HSF2BP: variants seen among roughly 807,000 people sequenced by gnomAD.
The protein encoded by HSF2BP is heat shock transcription factor 2 binding protein.
In HSF2BP, 35 loss-of-function variants were observed where a neutral mutation model predicts 35.0. The observed-to-expected ratio is 1.00, with a 90% CI of 0.76 to 1.32. The LOEUF (loss-of-function observed/expected upper bound fraction) is 1.32. Among genes scored for constraint, HSF2BP ranks in the 40% most tolerant of loss-of-function variants. The pLI is 0.00. For synonymous variants in HSF2BP, 114 were observed against 117.4 expected (o/e 0.97, Z 0.18); for missense variants, 326 against 321.7 (o/e 1.01, Z -0.10).
intron 3 of HSF2BP, among the ~76,000 whole-genome samples, chr21:43,655,301 A>T (rs2082851256): frequency 6.6e-6 from 1 of 152,230 alleles, no homozygotes; most frequent in African/African-American, 2.4e-5. Flanking sequence ...AGAAATTAGA[A>T]GTCAATGACC....
At chr21:43,584,635 T>A (rs1461234967) in intron 8 of HSF2BP, among the ~76,000 whole-genome samples, 1 of 152,228 alleles carries the variant, frequency 6.6e-6, no homozygotes, top group African/African-American at 2.4e-5. Flanking sequence ...ACCACCTAGG[T>A]GGCTTGAATA....
chr21:43,658,242 C>T lies in HSF2BP; in HGVS notation c.-146G>A. Reference sequence around the variant, plus strand: ...CCTCCCAGAATTTGCGCAGTATTCTCGGCCTAGAGAGCGAGGAGTGGCCTT... The same window carrying T: ...CCTCCCAGAATTTGCGCAGTATTCTTGGCCTAGAGAGCGAGGAGTGGCCTT... On this transcript the variant is annotated 5_prime_UTR_variant, in exon 2 of 9. Coordinates refer to ENST00000291560, the MANE Select transcript of HSF2BP (RefSeq NM_007031.2). The T allele has an allele frequency of 2.1e-6, 2 of 961,376 alleles. No homozygotes were observed. The highest frequency in any genetic ancestry group is 3.5e-5 in the South Asian group (2 of 56,676). The allele number at this position is 961,376 out of a possible 1,614,324, so 59.6% of individuals were successfully genotyped here. A position where few individuals can be genotyped will look rare whatever the true frequency, so the allele number is the denominator to read the frequency against.
At chr21:43,653,774 CAGG>C (rs2082828818) in intron 3 of HSF2BP, among the ~76,000 whole-genome samples, 2 of 152,082 alleles carry the variant, frequency 1.3e-5, no homozygotes, top group Admixed American at 1.3e-4. Context: ...AGGAGACCGC[CAGG>C]AGGAGGCAGA....
chr21:43,608,816 T>C (rs192787179), intron 7 of HSF2BP, among the ~76,000 whole-genome samples: 36 of 152,014 alleles, frequency 2.4e-4, no homozygotes, highest in Non-Finnish European at 4.6e-4. Context: ...AAAAAAAATT[T>C]TTTTTAATTA....
chr21:43,581,366 G>T (rs1412932734), intron 8 of HSF2BP, among the ~76,000 whole-genome samples: 1 of 151,204 alleles, frequency 6.6e-6, no homozygotes, highest in African/African-American at 2.4e-5. Context: ...AGCCTGGGTG[G>T]CAGAGTGAGA....
chr21:43,606,397 G>A (rs1479540911), intron 7 of HSF2BP, among the ~76,000 whole-genome samples: 2 of 152,220 alleles, frequency 1.3e-5, no homozygotes, highest in African/African-American at 4.8e-5. Context: ...TGAGCTGGAG[G>A]GAGGGGAGGC....
chr21:43,633,851 G>A (rs1466633853), intron 4 of HSF2BP, among the ~76,000 whole-genome samples: 3 of 152,104 alleles, frequency 2.0e-5, no homozygotes, highest in Non-Finnish European at 2.9e-5. Context: ...TTGAAAAAAC[G>A]CCATCTGCCA....
At chr21:43,615,009 G>A (rs1017842403) in intron 6 of HSF2BP, among the ~76,000 whole-genome samples, 6 of 152,214 alleles carry the variant, frequency 3.9e-5, no homozygotes, top group African/African-American at 1.4e-4. Flanking sequence ...CTGAAGACCA[G>A]ACCGAGTAAT....
At position 43,575,531 on chromosome 21, in the gene HSF2BP, C is replaced by T. The variant is rs554655577; in HGVS notation, c.796+16694G>A. ...GATGATAAAAATAACTTACACTTGA[C>T]TAGCAATTCACCACTTACAAACTAC... is the stretch of plus-strand genomic sequence containing the variant. On this transcript the variant is annotated intron_variant, in intron 8 of 8. Transcript: ENST00000291560. Among the ~76,000 whole-genome samples, 5 of 152,376 alleles carry T rather than the reference C, an allele frequency of 3.3e-5. No homozygotes were observed. In the South Asian group the frequency reaches 1.0e-3, roughly 32 times the overall value.
chr21:43,604,579 T>G (rs1335707260), intron 7 of HSF2BP, among the ~76,000 whole-genome samples: 6 of 103,226 alleles, frequency 5.8e-5, no homozygotes, highest in Admixed American at 1.1e-4. Flanking sequence ...CACACCAATA[T>G]ACACACACCA....
At chr21:43,606,320 G>A (rs2082134816) in intron 7 of HSF2BP, among the ~76,000 whole-genome samples, 1 of 152,216 alleles carries the variant, frequency 6.6e-6, no homozygotes, top group Admixed American at 6.5e-5. Context: ...TAGGAACAGA[G>A]AAGAAGGATG....
chr21:43,624,989 A>G (rs1214586162), intron 6 of HSF2BP, among the ~76,000 whole-genome samples: 1 of 152,188 alleles, frequency 6.6e-6, no homozygotes, highest in Non-Finnish European at 1.5e-5. Flanking sequence ...ATGTCCAGAG[A>G]ACTGACATCC....
chr21:43,604,626 A>C (rs2082101322), intron 7 of HSF2BP, among the ~76,000 whole-genome samples: 2 of 135,022 alleles, frequency 1.5e-5, no homozygotes, highest in Non-Finnish European at 3.1e-5. Flanking sequence ...CATACACCAC[A>C]CAATCATACA....
chr21:43,593,806 A>C (rs1354603423), intron 7 of HSF2BP, among the ~76,000 whole-genome samples: 1 of 152,190 alleles, frequency 6.6e-6, no homozygotes, highest in Admixed American at 6.5e-5. Context: ...TAAAAGTACA[A>C]GGAGGCAAAG....
Position 43,644,267 on chromosome 21 carries a change from A to T in HSF2BP, c.291+22T>A, listed in dbSNP as rs574787778. 31 of 1,588,030 alleles carry T rather than the reference A, an allele frequency of 2.0e-5. No homozygotes were observed. In the Admixed American group the frequency reaches 3.5e-4, roughly 18 times the overall value. ...CAGCCCCACTTTCTGGCTTGGTGAG[A>T]GTCTGTCCCTGAGCATGGTACCTTC... On this transcript the variant is annotated intron_variant, in intron 4 of 8. Coordinates refer to ENST00000291560, the MANE Select transcript of HSF2BP (RefSeq NM_007031.2).
rs1484930523 is a variant in HSF2BP, at chr21:43,596,622, T to C, written c.693-4294A>G. Among the ~76,000 whole-genome samples the C allele has an allele frequency of 4.6e-5, 7 of 152,132 alleles. No homozygotes were observed. The South Asian group carries it at 1.2e-3, about 27-fold the overall frequency. On this transcript the variant is annotated intron_variant, in intron 7 of 8. Transcript: ENST00000291560. The stretch of plus-strand genomic sequence containing the variant: ...GGCTCATGCCTATAATCCCAGCACT[T>C]TGGGAGGCCAACATGGGAAGACTGC...
intron 5 of HSF2BP, among the ~76,000 whole-genome samples, chr21:43,631,241 T>A (rs1475348463): frequency 6.6e-6 from 1 of 152,194 alleles, no homozygotes; most frequent in Non-Finnish European, 1.5e-5. Context: ...TAGCAGTAAC[T>A]AATTTCTCAC....
intron 6 of HSF2BP, among the ~76,000 whole-genome samples, chr21:43,620,552 A>C (rs1342157427): frequency 1.3e-5 from 2 of 152,110 alleles, no homozygotes; most frequent in Non-Finnish European, 2.9e-5. Context: ...AAAATTAGCC[A>C]AGCACTGTGG....
At chr21:43,638,799 A>C (rs928181978) in intron 4 of HSF2BP, among the ~76,000 whole-genome samples, 5 of 152,252 alleles carry the variant, frequency 3.3e-5, no homozygotes, top group African/African-American at 1.2e-4. Context: ...AGACATAAAC[A>C]AGCTTACTCT....
Sources: allele counts gnomAD v4.1 joint callset (sites outside exome capture counted in the v4.1 genomes callset), GRCh38; gene constraint gnomAD v4.1.1; transcripts MANE v1.5; gene names NCBI Gene and HGNC (gene_info 2026-07-23, HGNC 2026-07-21).